AFG2A: variants seen among roughly 807,000 people sequenced by gnomAD.
AFG2A encodes ATPase family gene 2 protein homolog A.
At chr4:123,314,090 A>G in the AFG2A span, 2 of 1,473,940 alleles carry the variant, frequency 1.4e-6, no homozygotes, top group South Asian at 2.9e-5. Context: ...CAAGATGCTG[A>G]AAATCCTTTC....
chr4:123,113,162 T>C, the AFG2A span, among the ~76,000 whole-genome samples: 21 of 152,330 alleles, frequency 1.4e-4, no homozygotes, highest in African/African-American at 4.8e-4. Flanking sequence ...TTATTTTCAT[T>C]GGTTTTGAGT....
chr4:122,927,782 A>G, the AFG2A span: 3 of 1,609,224 alleles, frequency 1.9e-6, no homozygotes, highest in Non-Finnish European at 2.5e-6. Context: ...TCATTTCCTT[A>G]GTTTAGAAAT....
the AFG2A span, among the ~76,000 whole-genome samples, chr4:123,164,078 C>T: frequency 6.6e-6 from 1 of 152,142 alleles, no homozygotes; most frequent in Admixed American, 6.5e-5. Context: ...GCACATTTAA[C>T]CATGGTGTTC....
At chr4:123,004,226 C>G in the AFG2A span, among the ~76,000 whole-genome samples, 4 of 152,298 alleles carry the variant, frequency 2.6e-5, no homozygotes, top group East Asian at 1.9e-4. Context: ...CTTTCCTTGA[C>G]CAGGAAAGGG....
chr4:123,112,850 G>T, the AFG2A span, among the ~76,000 whole-genome samples: 75 of 152,028 alleles, frequency 4.9e-4, no homozygotes, highest in Non-Finnish European at 5.4e-4. Flanking sequence ...TTTTGATGAA[G>T]TAAATATCTA....
chr4:123,075,682 G>A, the AFG2A span, among the ~76,000 whole-genome samples: 1 of 149,834 alleles, frequency 6.7e-6, no homozygotes, highest in East Asian at 2.0e-4. Context: ...AACTGGCCGG[G>A]CATGGTGGCT....
the AFG2A span, among the ~76,000 whole-genome samples, chr4:123,143,884 AT>A: frequency 7.9e-6 from 1 of 127,316 alleles, no homozygotes; most frequent in African/African-American, 3.0e-5. Context: ...AGCTAAATCT[AT>A]TTTTCCTTCT....
At chr4:123,084,614 G>GTATA in the AFG2A span, among the ~76,000 whole-genome samples, 12 of 148,580 alleles carry the variant, frequency 8.1e-5, no homozygotes, top group African/African-American at 2.8e-4. Flanking sequence ...GTGTGTGTGT[G>GTATA]TATATATATA....
At chr4:123,312,215 G>T in the AFG2A span, among the ~76,000 whole-genome samples, 1 of 152,096 alleles carries the variant, frequency 6.6e-6, no homozygotes, top group African/African-American at 2.4e-5. Context: ...CATAGTAGGT[G>T]CTCAATAAAT....
chr4:123,206,621 T>C, the AFG2A span, among the ~76,000 whole-genome samples: 1 of 152,202 alleles, frequency 6.6e-6, no homozygotes, highest in African/African-American at 2.4e-5. Flanking sequence ...TGGAAAAGCA[T>C]CAAGGAAAGC....
chr4:123,025,940 G>A, the AFG2A span, among the ~76,000 whole-genome samples: 4 of 152,122 alleles, frequency 2.6e-5, no homozygotes, highest in Non-Finnish European at 4.4e-5. Flanking sequence ...GGAGCATCTC[G>A]TAAATTTCAA....
chr4:123,044,379 A>G, the AFG2A span, among the ~76,000 whole-genome samples: 5 of 152,172 alleles, frequency 3.3e-5, no homozygotes, highest in Non-Finnish European at 7.4e-5. Flanking sequence ...CTTCATCTTC[A>G]ACATAGTCTT....
the AFG2A span, among the ~76,000 whole-genome samples, chr4:123,209,207 T>C: frequency 6.6e-6 from 1 of 152,194 alleles, no homozygotes; most frequent in Non-Finnish European, 1.5e-5. Flanking sequence ...TAAAACAACC[T>C]GGGGCTTGTG....
the AFG2A span, among the ~76,000 whole-genome samples, chr4:123,008,123 C>T: frequency 6.6e-6 from 1 of 152,162 alleles, no homozygotes; most frequent in African/African-American, 2.4e-5. Flanking sequence ...GTTCTGCAGG[C>T]TGTACGAGAA....
chr4:123,188,130 T>A, the AFG2A span, among the ~76,000 whole-genome samples: 7 of 152,144 alleles, frequency 4.6e-5, no homozygotes, highest in Non-Finnish European at 1.5e-5. Context: ...ATTAAACATA[T>A]GGAACACATC....
the AFG2A span, among the ~76,000 whole-genome samples, chr4:123,008,047 G>T: frequency 2.0e-5 from 3 of 152,028 alleles, no homozygotes; most frequent in African/African-American, 7.3e-5. Context: ...ATAGAATTTA[G>T]TATTGCTATA....
At chr4:122,923,979 ATT>A in the AFG2A span, among the ~76,000 whole-genome samples, 24 of 152,352 alleles carry the variant, frequency 1.6e-4, no homozygotes, top group African/African-American at 5.5e-4. Flanking sequence ...GGGAGAACGT[ATT>A]TATACTGAAA....
At chr4:123,246,757 C>T in the AFG2A span, among the ~76,000 whole-genome samples, 1 of 152,124 alleles carries the variant, frequency 6.6e-6, no homozygotes, top group Admixed American at 6.5e-5. Flanking sequence ...GAAAGTCTGC[C>T]CTACATGTGA....
At chr4:123,305,828 G>A in the AFG2A span, among the ~76,000 whole-genome samples, 5 of 152,284 alleles carry the variant, frequency 3.3e-5, no homozygotes, top group South Asian at 2.1e-4. Context: ...GGAAAGAACC[G>A]TAGGCAATGT....
Sources: allele counts gnomAD v4.1 joint callset (sites outside exome capture counted in the v4.1 genomes callset), GRCh38; gene constraint gnomAD v4.1.1; transcripts MANE v1.5; gene names NCBI Gene and HGNC (gene_info 2026-07-23, HGNC 2026-07-21).